The following DCDC2 variants were observed in gnomAD, a reference collection of about 807,000 sequenced individuals.
DCDC2 encodes doublecortin domain containing 2.
In DCDC2, 40 loss-of-function variants were observed where a neutral mutation model predicts 50.2. The observed-to-expected ratio is 0.80, with a 90% CI of 0.62 to 1.04. The LOEUF is 1.04. DCDC2 is among the 50% of genes least tolerant of loss of function. The pLI, the probability that DCDC2 is intolerant of heterozygous loss-of-function variation, is 0.00. For missense variants in DCDC2, 570 were observed against 581.9 expected (o/e 0.98, Z 0.21); for synonymous variants, 234 against 210.6 (o/e 1.11, Z -0.96).
chr6:24,215,112 GA>G (rs1185738488), intron 7 of DCDC2, among the ~76,000 whole-genome samples: 1 of 151,782 alleles, frequency 6.6e-6, no homozygotes, highest in African/African-American at 2.4e-5. Context: ...AAGTAGGAAA[GA>G]AAAAAAATGG....
At chr6:24,235,076 T>A (rs1004411235) in intron 7 of DCDC2, among the ~76,000 whole-genome samples, 1 of 152,232 alleles carries the variant, frequency 6.6e-6, no homozygotes, top group Non-Finnish European at 1.5e-5. Context: ...CAGCTGGTCA[T>A]GCAGAAATAA....
the DCDC2 span, among the ~76,000 whole-genome samples, chr6:24,369,133 CAAA>C: frequency 0.039 from 3,592 of 92,796 alleles, 52 homozygotes; most frequent in Non-Finnish European, 0.051. Context: ...GACTCTGTCT[CAAA>C]AAAAAAAAAA....
At chr6:24,333,365 C>T (rs777029873) in intron 2 of DCDC2, among the ~76,000 whole-genome samples, 1 of 152,126 alleles carries the variant, frequency 6.6e-6, no homozygotes, top group African/African-American at 2.4e-5. Context: ...GGTATGACGA[C>T]CCCAGAACAC....
intron 7 of DCDC2, among the ~76,000 whole-genome samples, chr6:24,277,406 G>A (rs1178745515): frequency 6.6e-6 from 1 of 152,070 alleles, no homozygotes; most frequent in South Asian, 2.1e-4. Context: ...ACCAAAAGTC[G>A]CCCCTCTTAC....
intron 8 of DCDC2, among the ~76,000 whole-genome samples, chr6:24,204,419 T>A (rs751776814): frequency 1.3e-5 from 2 of 152,060 alleles, no homozygotes; most frequent in Non-Finnish European, 2.9e-5. Context: ...TTCTCACTCA[T>A]AAGTGGGAGC....
intron 7 of DCDC2, among the ~76,000 whole-genome samples, chr6:24,210,521 C>T (rs772664975): frequency 2.0e-5 from 3 of 152,136 alleles, no homozygotes; most frequent in Admixed American, 6.5e-5. Flanking sequence ...ATATCCATTC[C>T]ATTGTCAATC....
At chr6:24,183,772 G>A (rs1203230356) in intron 8 of DCDC2, among the ~76,000 whole-genome samples, 2 of 152,136 alleles carry the variant, frequency 1.3e-5, no homozygotes, top group Non-Finnish European at 2.9e-5. Flanking sequence ...ATCAAAGAGC[G>A]CAGAGCAGAG....
At chr6:24,194,076 G>A (rs1487839846) in intron 8 of DCDC2, among the ~76,000 whole-genome samples, 1 of 152,070 alleles carries the variant, frequency 6.6e-6, no homozygotes. Flanking sequence ...CACCTCAGAT[G>A]TATTAAAATG....
At chr6:24,176,800 T>C (rs1261747323) in intron 9 of DCDC2, among the ~76,000 whole-genome samples, 1 of 152,238 alleles carries the variant, frequency 6.6e-6, no homozygotes, top group Admixed American at 6.5e-5. Context: ...ACCACCATTC[T>C]ACCTTCTACT....
chr6:24,281,103 G>C (rs1197570978), intron 6 of DCDC2, among the ~76,000 whole-genome samples: 1 of 152,042 alleles, frequency 6.6e-6, no homozygotes, highest in Non-Finnish European at 1.5e-5. Context: ...TTTATGAATA[G>C]ACAGGAAAGT....
intron 7 of DCDC2, among the ~76,000 whole-genome samples, chr6:24,259,541 G>C (rs1474238811): frequency 6.6e-6 from 1 of 152,132 alleles, no homozygotes; most frequent in Non-Finnish European, 1.5e-5. Context: ...TATTGTCCAA[G>C]AAGCAAATTT....
At chr6:24,298,006 G>A (rs1423161794) in intron 4 of DCDC2, among the ~76,000 whole-genome samples, 1 of 152,220 alleles carries the variant, frequency 6.6e-6, no homozygotes, top group Non-Finnish European at 1.5e-5. Flanking sequence ...GTCTAGAGCA[G>A]TGGTCCCCAA....
chr6:24,357,778 G>T lies in DCDC2; in HGVS notation c.-28C>A. The T allele has an allele frequency of 1.9e-6, 3 of 1,611,902 alleles. No individual in the cohort carries two copies. The highest frequency in any genetic ancestry group is 2.5e-6 in the Non-Finnish European group (3 of 1,179,180). ...TCCCCGCTGGCCGCCGCCTCAGCTC[G>T]CTGCTTCGCGTCGGGAGGCACCTCC... On this transcript the variant is annotated 5_prime_UTR_variant, in exon 1 of 10. Transcript: ENST00000378454.
chr6:24,381,031 A>G, the DCDC2 span, among the ~76,000 whole-genome samples: 1 of 151,710 alleles, frequency 6.6e-6, no homozygotes, highest in African/African-American at 2.4e-5. Context: ...TTAGCGAGCC[A>G]TGATCACACC....
intron 2 of DCDC2, among the ~76,000 whole-genome samples, chr6:24,303,305 G>C (rs139685999): frequency 6.6e-6 from 1 of 151,974 alleles, no homozygotes; most frequent in Non-Finnish European, 1.5e-5. Flanking sequence ...AACTCCCAGG[G>C]CCAAGTGCCG....
intron 7 of DCDC2, among the ~76,000 whole-genome samples, chr6:24,206,478 C>G (rs2113762752): frequency 6.6e-6 from 1 of 152,302 alleles, no homozygotes; most frequent in South Asian, 2.1e-4. Context: ...AAACAACCAT[C>G]ATAGTCAGAT....
At chr6:24,220,879 A>AGTGAGCGAGC in intron 7 of DCDC2, among the ~76,000 whole-genome samples, 1 of 107,032 alleles carries the variant, frequency 9.3e-6, no homozygotes, top group East Asian at 2.6e-4. Flanking sequence ...CAAGAGAGCG[A>AGTGAGCGAGC]GAGCGAGAGA....
chr6:24,281,487 GA>G (rs59842458), intron 6 of DCDC2, among the ~76,000 whole-genome samples: 36,665 of 83,792 alleles, frequency 0.44, 6,528 homozygotes, highest in East Asian at 0.6. Flanking sequence ...ATGCTTTTAA[GA>G]AAAAAAAAAA....
intron 7 of DCDC2, among the ~76,000 whole-genome samples, chr6:24,222,207 A>C (rs2113776378): frequency 6.6e-6 from 1 of 152,334 alleles, no homozygotes; most frequent in Non-Finnish European, 1.5e-5. Flanking sequence ...TTAATTTACA[A>C]AGGGAAACTC....
Sources: gnomAD v4.1 joint callset for allele counts (sites outside exome capture counted in the v4.1 genomes callset) on GRCh38, gnomAD v4.1.1 for gene constraint, MANE v1.5 for transcripts, NCBI Gene and HGNC (gene_info 2026-07-23, HGNC 2026-07-21) for gene names.